The following SENP6 variants were observed in gnomAD, a reference collection of about 807,000 sequenced individuals.
SENP6 encodes sentrin-specific protease 6.
A neutral mutation model predicts 134.5 loss-of-function variants in SENP6; 41 were observed. The ratio of observed to expected loss-of-function variants is 0.30; its 90% CI spans 0.24 to 0.40. The LOEUF is 0.40. Ranked by LOEUF, SENP6 falls within the 10% of genes least tolerant of loss-of-function variation. SENP6 has a pLI of 1.00. For missense variants in SENP6, 1,248 were observed against 1,312.5 expected, an observed-to-expected ratio of 0.95 and a Z score of 0.76; for synonymous variants, 395 against 429.8, an observed-to-expected ratio of 0.92 and a Z score of 1.00.
intron 3 of SENP6, among the ~76,000 whole-genome samples, chr6:75,633,153 A>G (rs1202944359): frequency 6.6e-6 from 1 of 152,212 alleles, no homozygotes; most frequent in Non-Finnish European, 1.5e-5. Context: ...TTCTGCCTGT[A>G]CAGAAACTTT....
rs200397872 is a variant in SENP6, at chr6:75,670,681, A to C, written c.1353A>C (p.Arg451=). The C allele has an allele frequency of 1.6e-4, 266 of 1,612,900 alleles. 1 individual carries two copies. Among genetic ancestry groups the C allele is most frequent in the Non-Finnish European group, 2.9e-5 (34 of 1,179,384 alleles). The change falls in exon 11 of 24, where the codon CGA becomes CGC. Residue 451 remains arginine, a synonymous_variant. Transcript: ENST00000447266. Reference sequence around the variant, plus strand: ...TCATTTTAAACTGTCGAAGTATACGAGTAGGAACACTCTTCCGGCTGTTAA... The same window carrying C: ...TCATTTTAAACTGTCGAAGTATACGCGTAGGAACACTCTTCCGGCTGTTAA... ...DSVILNCRSI[R]VGTLFRLLIE...
intron 3 of SENP6, among the ~76,000 whole-genome samples, chr6:75,630,574 G>C (rs1006703930): frequency 6.6e-6 from 1 of 152,080 alleles, no homozygotes; most frequent in African/African-American, 2.4e-5. Flanking sequence ...TGGATCATTG[G>C]TTTAAACTAT....
rs1379740749 is a variant in SENP6, at chr6:75,613,124, AAAAG to A, written c.53-8404_53-8401del. On this transcript the variant is annotated intron_variant, in intron 1 of 23. Coordinates refer to ENST00000447266, the MANE Select transcript of SENP6 (RefSeq NM_015571.4). ...GTGAGATTCTGTCTTTAAAAAAAAA[AAAAG>A]AAAAGAAAACTATGACCCAGCCAAA... is the stretch of plus-strand genomic sequence containing the variant. 8.2e-4 allele frequency among the ~76,000 whole-genome samples: 124 copies of A among 151,780 alleles called. 1 individual carries two copies. Among genetic ancestry groups the A allele is most frequent in the African/African-American group, 2.5e-3 (102 of 41,334 alleles).
chr6:75,690,864 T>C (rs1412453630), intron 16 of SENP6, among the ~76,000 whole-genome samples: 1 of 151,392 alleles, frequency 6.6e-6, no homozygotes, highest in African/African-American at 2.4e-5. Flanking sequence ...CCTGGCTAAT[T>C]GTTTTGTATT....
intron 1 of SENP6, among the ~76,000 whole-genome samples, chr6:75,612,545 G>C (rs1767534232): frequency 6.6e-6 from 1 of 152,018 alleles, no homozygotes; most frequent in Non-Finnish European, 1.5e-5. Flanking sequence ...TGCTCAGGCT[G>C]CTCTCGACTT....
Position 75,715,441 on chromosome 6 carries a change from A to G in SENP6, c.3186A>G (p.Pro1062=). 1 of 1,613,570 alleles carries G rather than the reference A, an allele frequency of 6.2e-7. No individual in the cohort carries two copies. Among genetic ancestry groups the G allele is most frequent in the Non-Finnish European group, 8.5e-7 (1 of 1,179,612 alleles). The change falls in exon 24 of 24, where the codon CCA becomes CCG. Residue 1062 remains proline (P), a synonymous_variant. Coordinates refer to ENST00000447266, the MANE Select transcript of SENP6 (RefSeq NM_015571.4). ...ATTTGGCAAACTGGTTTCCTCCACC[A>G]AGAATGAGAACAAAAAGAGAAGAAA... The part of the protein sequence containing the change: ...PMNLANWFPP[P]RMRTKREEIR...
chr6:75,645,619 CAAAG>C (rs1228479431), intron 6 of SENP6, among the ~76,000 whole-genome samples: 1 of 151,744 alleles, frequency 6.6e-6, no homozygotes, highest in African/African-American at 2.4e-5. Context: ...GACTCTGTCT[CAAAG>C]AAAGAAAGAA....
At position 75,709,634 on chromosome 6, in the gene SENP6, A is replaced by T; in HGVS notation, c.2820+4A>T. The stretch of plus-strand genomic sequence containing the variant: ...CTCAGAAGATCAGGATAACCAGGTA[A>T]AACTTAATGCTTGGCAAAAAGTTCT... On this transcript the variant is annotated splice_donor_region_variant and intron_variant, in intron 20 of 23. Coordinates refer to ENST00000447266, the MANE Select transcript of SENP6 (RefSeq NM_015571.4). 1 of 1,606,788 alleles carries T rather than the reference A, an allele frequency of 6.2e-7. No homozygotes were observed. Among genetic ancestry groups the T allele is most frequent in the Non-Finnish European group, 8.5e-7 (1 of 1,173,540 alleles).
chr6:75,712,391 G>C (rs1329962492), intron 21 of SENP6, among the ~76,000 whole-genome samples: 1 of 152,076 alleles, frequency 6.6e-6, no homozygotes, highest in African/African-American at 2.4e-5. Context: ...GAAGAAGCTA[G>C]ATCACTTCCA....
intron 11 of SENP6, among the ~76,000 whole-genome samples, chr6:75,672,761 T>A (rs969112838): frequency 6.6e-6 from 1 of 152,204 alleles, no homozygotes; most frequent in African/African-American, 2.4e-5. Context: ...TACACTTGCT[T>A]ATTATTAGAT....
chr6:75,630,947 A>C (rs1262428892), intron 3 of SENP6, among the ~76,000 whole-genome samples: 1 of 151,952 alleles, frequency 6.6e-6, no homozygotes, highest in Non-Finnish European at 1.5e-5. Context: ...CCGTATTCTG[A>C]ATAATTTCTT....
chr6:75,706,032 G>A (rs1207300816), intron 19 of SENP6, among the ~76,000 whole-genome samples: 1 of 143,392 alleles, frequency 7.0e-6, no homozygotes, highest in Admixed American at 7.3e-5. Context: ...CCCCTCCTGG[G>A]TTCAAGAGAT....
At chr6:75,674,502 T>C (rs1441130062) in intron 11 of SENP6, among the ~76,000 whole-genome samples, 2 of 152,114 alleles carry the variant, frequency 1.3e-5, no homozygotes, top group Admixed American at 6.5e-5. Flanking sequence ...TTTATACTTT[T>C]AGTAGAGATG....
intron 1 of SENP6, among the ~76,000 whole-genome samples, chr6:75,607,251 A>T (rs924433142): frequency 1.3e-5 from 2 of 151,878 alleles, no homozygotes; most frequent in Admixed American, 1.3e-4. Flanking sequence ...GTGAGCCATG[A>T]TCGTACCACT....
At chr6:75,674,168 T>A (rs35462268) in intron 11 of SENP6, among the ~76,000 whole-genome samples, 35,742 of 119,904 alleles carry the variant, frequency 0.3, 5,153 homozygotes, top group East Asian at 0.42. Flanking sequence ...TTTTTTTTTT[T>A]TTAAAAACGA....
At chr6:75,613,826 A>G (rs1296281399) in intron 1 of SENP6, among the ~76,000 whole-genome samples, 1 of 152,236 alleles carries the variant, frequency 6.6e-6, no homozygotes, top group Non-Finnish European at 1.5e-5. Flanking sequence ...ATACAATACT[A>G]TAATCTACAA....
intron 9 of SENP6, among the ~76,000 whole-genome samples, chr6:75,665,675 G>A (rs2149867795): frequency 6.6e-6 from 1 of 152,292 alleles, no homozygotes; most frequent in East Asian, 1.9e-4. Flanking sequence ...ATAAGGCACT[G>A]GTCCAGATTT....
At chr6:75,620,573 A>G (rs983281433) in intron 1 of SENP6, 5 of 152,088 alleles carry the variant, frequency 3.3e-5, no homozygotes, top group African/African-American at 1.2e-4. Flanking sequence ...CACAGGCCCC[A>G]CCTCTTAATA....
chr6:75,692,379 G>A (rs1174383813), intron 16 of SENP6, among the ~76,000 whole-genome samples: 1 of 152,004 alleles, frequency 6.6e-6, no homozygotes, highest in Non-Finnish European at 1.5e-5. Context: ...CAGTACTTTG[G>A]GAGGCCGATG....
Sources: allele counts gnomAD v4.1 joint callset (sites outside exome capture counted in the v4.1 genomes callset), GRCh38; gene constraint gnomAD v4.1.1; transcripts MANE v1.5; gene names NCBI Gene and HGNC (gene_info 2026-07-23, HGNC 2026-07-21).